UNC13B: variants seen among roughly 807,000 people sequenced by gnomAD.
UNC13B encodes protein unc-13 homolog B.
A neutral mutation model predicts 211.0 loss-of-function variants in UNC13B; 144 were observed. That is an observed-to-expected ratio of 0.68 (90% CI 0.60 to 0.78). The LOEUF (loss-of-function observed/expected upper bound fraction) is 0.78. Among genes scored for constraint, UNC13B ranks in the 30% least tolerant of loss-of-function variants. UNC13B has a pLI of 0.00. For synonymous variants in UNC13B, 709 were observed against 725.8 expected (o/e 0.98, Z 0.37); for missense variants, 1,777 against 2,002.0 (o/e 0.89, Z 2.14).
intron 11 of UNC13B, among the ~76,000 whole-genome samples, chr9:35,359,463 A>G (rs1833251124): frequency 6.6e-6 from 1 of 152,178 alleles, no homozygotes; most frequent in African/African-American, 2.4e-5. Context: ...ATCTTCCATG[A>G]ACACCAGACT....
rs780067289 is a variant in UNC13B, at chr9:35,163,048, A to C, written c.22+743A>C. ...TCTATGTGGGTAGAGACTGTTTCTTATTAGTTTTTGTATTCCTGGTGTCTG... is the reference window on the plus strand; with the variant it reads ...TCTATGTGGGTAGAGACTGTTTCTTCTTAGTTTTTGTATTCCTGGTGTCTG... On this transcript the variant is annotated intron_variant, in intron 1 of 39. Coordinates refer to ENST00000635942, the MANE Select transcript of UNC13B (RefSeq NM_001371189.2). Among the ~76,000 whole-genome samples, 25 of 152,286 alleles carry C rather than the reference A, an allele frequency of 1.6e-4. No homozygotes were observed. In the South Asian group the frequency reaches 1.7e-3, roughly 10 times the overall value.
chr9:35,171,486 C>T (rs546367706), intron 1 of UNC13B, among the ~76,000 whole-genome samples: 1 of 152,326 alleles, frequency 6.6e-6, no homozygotes, highest in Non-Finnish European at 1.5e-5. Flanking sequence ...ACTGTAGCCT[C>T]AAACTCCTGG....
In UNC13B at chr9:35,308,009, A is replaced by G. The variant is rs992437895; in HGVS notation, c.8605A>G (p.Ser2869Gly). The G allele has an allele frequency of 1.5e-5, 6 of 398,996 alleles. No homozygotes were observed. The highest frequency in any genetic ancestry group is 1.2e-4 in the African/African-American group (6 of 48,652). 24.7% of individuals were successfully genotyped at this position (398,996 alleles called of 1,614,324 possible). A position where few individuals can be genotyped will look rare whatever the true frequency, so the allele number is the denominator to read the frequency against. The change falls in exon 9 of 40, where the codon AGT becomes GGT. Residue 2869 changes from serine to glycine, a missense_variant. Ser to Gly is a moderately conservative substitution (Grantham distance 56). Transcript: ENST00000635942. ...CTCCCCTCCAGTTTTAGTTACTAGC[A>G]GTGATCAGGACCTTAACTCCAGTGA... ...ESSPPVLVTS[S>G]DQDLNSSEAN...
intron 11 of UNC13B, among the ~76,000 whole-genome samples, chr9:35,340,194 C>T (rs1325844623): frequency 2.0e-5 from 3 of 152,128 alleles, no homozygotes; most frequent in Non-Finnish European, 4.4e-5. Flanking sequence ...TATAGTTGTG[C>T]TGTCAGGCCT....
At chr9:35,326,387 A>G (rs1350040833) in intron 11 of UNC13B, among the ~76,000 whole-genome samples, 2 of 152,206 alleles carry the variant, frequency 1.3e-5, no homozygotes, top group Non-Finnish European at 2.9e-5. Context: ...CTATACATAC[A>G]TATGATAAGG....
At chr9:35,344,960 C>G (rs935244747) in intron 11 of UNC13B, among the ~76,000 whole-genome samples, 2 of 152,078 alleles carry the variant, frequency 1.3e-5, no homozygotes, top group Non-Finnish European at 2.9e-5. Flanking sequence ...CAGTTATGAA[C>G]AAAACAAAGT....
At chr9:35,257,319 T>TTATAAAAATATTTATATAAATATA (rs1826944745) in intron 6 of UNC13B, among the ~76,000 whole-genome samples, 2 of 140,124 alleles carry the variant, frequency 1.4e-5, no homozygotes, top group Non-Finnish European at 3.0e-5. Context: ...ATATAAATAT[T>TTATAAAAATATTTATATAAATATA]TATAAAAATA....
intron 3 of UNC13B, among the ~76,000 whole-genome samples, chr9:35,231,716 A>T (rs1825213658): frequency 6.6e-6 from 1 of 152,186 alleles, no homozygotes; most frequent in Non-Finnish European, 1.5e-5. Context: ...ATGGAGTAAA[A>T]TGTCCTATAT....
chr9:35,292,319 C>T (rs1829139664), intron 7 of UNC13B, among the ~76,000 whole-genome samples: 1 of 152,180 alleles, frequency 6.6e-6, no homozygotes, highest in South Asian at 2.1e-4. Context: ...CCTTCCCAGC[C>T]TACTTTTGCA....
intron 1 of UNC13B, among the ~76,000 whole-genome samples, chr9:35,193,346 G>A (rs1179206861): frequency 2.0e-5 from 3 of 152,088 alleles, no homozygotes; most frequent in Non-Finnish European, 4.4e-5. Context: ...AGGCAGAATA[G>A]GTGCCTTAAA....
At chr9:35,402,440 G>A (rs1208256442) in intron 37 of UNC13B, among the ~76,000 whole-genome samples, 5 of 151,690 alleles carry the variant, frequency 3.3e-5, no homozygotes, top group Admixed American at 3.3e-4. Flanking sequence ...TGCCACCACT[G>A]CCAGCTAATT....
At chr9:35,228,900 C>T (rs964363295) in intron 2 of UNC13B, among the ~76,000 whole-genome samples, 1 of 151,984 alleles carries the variant, frequency 6.6e-6, no homozygotes, top group African/African-American at 2.4e-5. Context: ...TTCTTGTGCA[C>T]TTCTCATTGC....
intron 11 of UNC13B, among the ~76,000 whole-genome samples, chr9:35,325,721 A>G (rs893859360): frequency 3.9e-5 from 6 of 152,198 alleles, no homozygotes; most frequent in African/African-American, 1.4e-4. Context: ...TCCCATACCC[A>G]TTAGGGATTA....
intron 1 of UNC13B, among the ~76,000 whole-genome samples, chr9:35,190,301 A>T (rs942049029): frequency 6.6e-6 from 1 of 152,184 alleles, no homozygotes; most frequent in African/African-American, 2.4e-5. Context: ...GGCCAAGAGC[A>T]TGCTTCTCTG....
chr9:35,403,668 G>A (rs1439575639), intron 39 of UNC13B, 69 bp downstream of exon 39: 10 of 1,350,644 alleles, frequency 7.4e-6, no homozygotes, highest in Non-Finnish European at 9.2e-6. Context: ...GGGAGAGGAG[G>A]GCCCGGGGGG....
Position 35,162,042 on chromosome 9 carries a change from T to C in UNC13B, c.-242T>C, listed in dbSNP as rs1472569572. 1 of 557,536 alleles carries C rather than the reference T, an allele frequency of 1.8e-6. No homozygotes were observed. The highest frequency in any genetic ancestry group is 3.5e-5 in the East Asian group (1 of 28,886). The allele number at this position is 557,536 out of a possible 1,614,324, so 34.5% of individuals were successfully genotyped here. A position where few individuals can be genotyped will look rare whatever the true frequency, so the allele number is the denominator to read the frequency against. ...CAGCTCCTACCTCCCAGCGATGGCG[T>C]CGCTGTGCCGCGCCCAGTCCCCAGC... On this transcript the variant is annotated 5_prime_UTR_variant, in exon 1 of 40. Coordinates refer to ENST00000635942, the MANE Select transcript of UNC13B (RefSeq NM_001371189.2).
At position 35,380,452 on chromosome 9, in the gene UNC13B, T is replaced by G; in HGVS notation, c.10206-18T>G. 6.2e-7 allele frequency: 1 copy of G among 1,612,140 alleles called. No homozygotes were observed. The highest frequency in any genetic ancestry group is 8.5e-7 in the Non-Finnish European group (1 of 1,178,506). On this transcript the variant is annotated intron_variant, in intron 17 of 39. Transcript: ENST00000635942. ...TACTGGGTCTGCCCCTAACAGAGCC[T>G]GCCTAATTCTCTCACAGTGAGTGCC...
chr9:35,271,391 A>G (rs993103250), intron 7 of UNC13B, among the ~76,000 whole-genome samples: 7 of 152,124 alleles, frequency 4.6e-5, no homozygotes, highest in South Asian at 4.1e-4. Flanking sequence ...GCCTCAGTAC[A>G]TCATGTTTAC....
At chr9:35,199,487 T>C (rs919797241) in intron 1 of UNC13B, among the ~76,000 whole-genome samples, 4 of 152,122 alleles carry the variant, frequency 2.6e-5, no homozygotes, top group African/African-American at 4.8e-5. Flanking sequence ...TATTTCTCCA[T>C]ATCCTCTCCA....
Sources: gnomAD v4.1 joint callset for allele counts (sites outside exome capture counted in the v4.1 genomes callset) on GRCh38, gnomAD v4.1.1 for gene constraint, MANE v1.5 for transcripts, NCBI Gene and HGNC (gene_info 2026-07-23, HGNC 2026-07-21) for gene names.